ZNF385D: variants seen among roughly 807,000 people sequenced by gnomAD.
ZNF385D encodes the protein zinc finger protein 659.
In ZNF385D, 15 loss-of-function variants were observed where a neutral mutation model predicts 35.8. The ratio of observed to expected loss-of-function variants is 0.42; its 90% confidence interval spans 0.28 to 0.64. The LOEUF (loss-of-function observed/expected upper bound fraction) is 0.64. ZNF385D is among the 30% of genes least tolerant of loss of function. The probability of loss-of-function intolerance (pLI) is 0.23; values close to 1 mark genes in which losing one functional copy is unlikely to be tolerated. For missense variants in ZNF385D, 474 were observed against 494.6 expected (o/e 0.96, Z 0.39); for synonymous variants, 212 against 186.8 (o/e 1.13, Z -1.10).
chr3:21,776,782 A>G lies in ZNF385D; in HGVS notation c.326-111754T>C, dbSNP rs1027185403. 2.0e-5 allele frequency among the ~76,000 whole-genome samples: 3 copies of G among 151,968 alleles called. 1 individual carries two copies. Among genetic ancestry groups the G allele is most frequent in the South Asian group, 4.1e-4 (2 of 4,834 alleles). On this transcript the variant is annotated intron_variant, in intron 3 of 5. Coordinates refer to the ZNF385D transcript ENST00000494108. ...CAAATCATAATTACACAAAGCAAAA[A>G]GAAACATTATTCTTTACGGCTACCA...
rs1221246180 is a variant in ZNF385D, at chr3:21,832,664, C to T, written c.326-167636G>A. On this transcript the variant is annotated intron_variant, in intron 3 of 5. Coordinates refer to the ZNF385D transcript ENST00000494108. ...TTCTTGGATCAGTTCAATGACAAAA[C>T]GGGCTGAATGGTAAGGTCATGCCAT... Among the ~76,000 whole-genome samples the T allele has an allele frequency of 5.3e-5, 8 of 152,250 alleles. 1 individual carries two copies. The Middle Eastern group carries it at 0.01, about 194-fold the overall frequency.
chr3:22,263,277 C>T (rs1700727891), intron 2 of ZNF385D, among the ~76,000 whole-genome samples: 2 of 152,040 alleles, frequency 1.3e-5, no homozygotes, highest in Admixed American at 6.6e-5. Context: ...CAAAGCTGCC[C>T]ATCTTGCTGT....
chr3:21,815,603 A>C (rs2073113044), intron 3 of ZNF385D, among the ~76,000 whole-genome samples: 1 of 152,216 alleles, frequency 6.6e-6, no homozygotes, highest in Non-Finnish European at 1.5e-5. Context: ...ACTTCTGGAC[A>C]CACACACCAT....
chr3:21,885,625 A>G lies in ZNF385D; in HGVS notation c.326-220597T>C, dbSNP rs1698499596. The stretch of plus-strand genomic sequence containing the variant: ...ACATTTGCAATGAAAAGTTTTATAT[A>G]TTTTATTGTTACTTTAAGTTGTTAC... On this transcript the variant is annotated intron_variant, in intron 3 of 5. Transcript: ENST00000494108. 2.0e-5 allele frequency among the ~76,000 whole-genome samples: 3 copies of G among 151,958 alleles called. No homozygotes were observed. The South Asian group carries it at 6.2e-4, about 32-fold the overall frequency.
intron 3 of ZNF385D, among the ~76,000 whole-genome samples, chr3:22,089,433 A>G (rs1701211389): frequency 6.6e-6 from 1 of 152,192 alleles, no homozygotes; most frequent in Admixed American, 6.5e-5. Context: ...AAAGGGTTTT[A>G]TTTCCTGGTA....
chr3:22,228,734 C>T (rs930069620), intron 2 of ZNF385D, among the ~76,000 whole-genome samples: 12 of 152,152 alleles, frequency 7.9e-5, no homozygotes, highest in African/African-American at 2.9e-4. Context: ...GACCCACTCT[C>T]AATCTGGGTA....
chr3:22,209,134 C>T (rs1346733593), intron 2 of ZNF385D, among the ~76,000 whole-genome samples: 2 of 151,868 alleles, frequency 1.3e-5, no homozygotes, highest in Non-Finnish European at 2.9e-5. Flanking sequence ...ATAATATTTA[C>T]TCAAGGCACA....
intron 2 of ZNF385D, among the ~76,000 whole-genome samples, chr3:21,624,950 G>A (rs1490477559): frequency 1.3e-5 from 2 of 151,946 alleles, no homozygotes; most frequent in South Asian, 2.1e-4. Context: ...TTTAAAAGGA[G>A]GGATAAAGAT....
chr3:21,445,738 A>T (rs1052947106), intron 4 of ZNF385D, among the ~76,000 whole-genome samples: 1 of 152,146 alleles, frequency 6.6e-6, no homozygotes. Flanking sequence ...GCTGCCATCA[A>T]ATTTGTTAGG....
chr3:22,206,397 A>G (rs1697156871), intron 2 of ZNF385D, among the ~76,000 whole-genome samples: 1 of 152,014 alleles, frequency 6.6e-6, no homozygotes, highest in Non-Finnish European at 1.5e-5. Context: ...ACAAAGAAAC[A>G]TCAGACTTAA....
chr3:21,944,534 A>C (rs1387127784), intron 3 of ZNF385D, among the ~76,000 whole-genome samples: 1 of 152,206 alleles, frequency 6.6e-6, no homozygotes, highest in Non-Finnish European at 1.5e-5. Context: ...AGGCTTGTCG[A>C]AGAGAGTTAA....
At chr3:21,802,227 A>G (rs1304221141) in intron 3 of ZNF385D, among the ~76,000 whole-genome samples, 1 of 152,194 alleles carries the variant, frequency 6.6e-6, no homozygotes, top group Non-Finnish European at 1.5e-5. Context: ...ACTTGTGAAT[A>G]ATTTAGTATA....
At chr3:21,857,876 G>A (rs1046126535) in intron 3 of ZNF385D, among the ~76,000 whole-genome samples, 1 of 151,730 alleles carries the variant, frequency 6.6e-6, no homozygotes. Context: ...CAGCACATAG[G>A]GACTTAATAA....
chr3:21,529,238 G>A (rs1346407694), intron 3 of ZNF385D, among the ~76,000 whole-genome samples: 1 of 152,116 alleles, frequency 6.6e-6, no homozygotes, highest in Non-Finnish European at 1.5e-5. Context: ...GGAAAGCCAG[G>A]TAACGTCTTT....
chr3:21,746,625 T>G (rs987733345), intron 1 of ZNF385D, among the ~76,000 whole-genome samples: 2 of 152,216 alleles, frequency 1.3e-5, no homozygotes, highest in Non-Finnish European at 2.9e-5. Flanking sequence ...ACTTTAGACA[T>G]AGAAGTTTCT....
chr3:21,499,267 G>A (rs1706177894), intron 4 of ZNF385D, among the ~76,000 whole-genome samples: 1 of 152,042 alleles, frequency 6.6e-6, no homozygotes. Flanking sequence ...GGAAAATTTG[G>A]TACATATACA....
chr3:22,346,116 G>C (rs1037149271), intron 2 of ZNF385D, among the ~76,000 whole-genome samples: 1 of 152,024 alleles, frequency 6.6e-6, no homozygotes, highest in Non-Finnish European at 1.5e-5. Flanking sequence ...TTACTCCCTT[G>C]GCACTCCCTG....
At chr3:21,762,157 G>C (rs535426099) in intron 3 of ZNF385D, among the ~76,000 whole-genome samples, 17 of 152,144 alleles carry the variant, frequency 1.1e-4, no homozygotes, top group Non-Finnish European at 2.2e-4. Flanking sequence ...GATTACAGGC[G>C]TGAGTCGCTG....
intron 2 of ZNF385D, among the ~76,000 whole-genome samples, chr3:22,359,706 T>C (rs1459884607): frequency 1.3e-5 from 2 of 151,882 alleles, no homozygotes; most frequent in Non-Finnish European, 2.9e-5. Context: ...GGTAAAATGA[T>C]GAATTCAGTT....
Sources: allele counts gnomAD v4.1 joint callset (sites outside exome capture counted in the v4.1 genomes callset), GRCh38; gene constraint gnomAD v4.1.1; transcripts MANE v1.5; gene names NCBI Gene and HGNC (gene_info 2026-07-23, HGNC 2026-07-21).